NFATC1: variants seen among roughly 807,000 people sequenced by gnomAD.
The protein encoded by NFATC1 is nuclear factor of activated T-cells, cytoplasmic 1.
In NFATC1, 22 loss-of-function variants were observed where a neutral mutation model predicts 76.0. The ratio of observed to expected loss-of-function variants is 0.29; its 90% CI spans 0.21 to 0.41. The LOEUF is 0.41. NFATC1 is among the 10% of genes least tolerant of loss of function. The pLI is 1.00. For missense variants in NFATC1, 1,357 were observed against 1,337.7 expected, an observed-to-expected ratio of 1.01 and a Z score of -0.23; for synonymous variants, 704 against 613.1, an observed-to-expected ratio of 1.15 and a Z score of -2.19.
chr18:79,410,419 A>C lies in NFATC1; in HGVS notation c.144A>C (p.Ala48=), dbSNP rs762735335. Residue 48 remains alanine (A), a synonymous_variant, in exon 2 of 10, where the codon GCA becomes GCC. Coordinates refer to ENST00000427363, the MANE Select transcript of NFATC1 (RefSeq NM_001278669.2). The surrounding 1 kb of genome is among the most constrained non-coding windows in gnomAD (Gnocchi z 6.7). ...TCTCTCTAGAACACTATGGCTATGC[A>C]TCCTCCAACGTCAGCCCCGCCCTGC... The part of the protein sequence containing the change: ...KSAEEEHYGY[A]SSNVSPALPL... The C allele has an allele frequency of 3.7e-6, 6 of 1,610,150 alleles. No homozygotes were observed. In the Admixed American group the frequency reaches 1.0e-4, roughly 27 times the overall value.
At chr18:79,434,193 C>T (rs927311255) in intron 3 of NFATC1, among the ~76,000 whole-genome samples, 4 of 152,146 alleles carry the variant, frequency 2.6e-5, no homozygotes, top group African/African-American at 4.8e-5. Flanking sequence ...AGGTGCTCCC[C>T]GAGGAGAGGA....
At chr18:79,508,125 A>G (rs1230829391) in intron 9 of NFATC1, among the ~76,000 whole-genome samples, 2 of 152,128 alleles carry the variant, frequency 1.3e-5, no homozygotes, top group African/African-American at 2.4e-5. Context: ...GTGAACTTCA[A>G]TTATTTTTGT....
rs113842380 is a variant in NFATC1 at position 79,440,913 on chromosome 18, C to T, written c.1386+7175C>T. ...TTGCCCAGGCCCTGCCCAGGCCAGA[C>T]GTGGGAGTGGCGGCTGGGAGCACCC... On this transcript the variant is annotated intron_variant, in intron 3 of 9. Transcript: ENST00000427363. Among the ~76,000 whole-genome samples the T allele has an allele frequency of 9.8e-3, 1,497 of 152,294 alleles. 13 individuals are homozygous for T. Among genetic ancestry groups the T allele is most frequent in the African/African-American group, 0.016 (671 of 41,570 alleles).
Position 79,528,554 on chromosome 18 carries a change from G to A in NFATC1, c.*977G>A, listed in dbSNP as rs990572752. On this transcript the variant is annotated 3_prime_UTR_variant, in exon 10 of 10. Transcript: ENST00000427363. ...GCCGTGCATTTTCTCGTCTCACGCA[G>A]TTCGAGGAGGACCCTAGAAAGCCAG... 1 of 152,216 alleles carries A rather than the reference G, an allele frequency of 6.6e-6. No individual in the cohort carries two copies. Among genetic ancestry groups the A allele is most frequent in the African/African-American group, 2.4e-5 (1 of 41,448 alleles). The allele number at this position is 152,216 out of a possible 1,614,324, so 9.4% of individuals were successfully genotyped here. A position where few individuals can be genotyped will look rare whatever the true frequency, so the allele number is the denominator to read the frequency against.
At chr18:79,467,382 C>T (rs1046396249) in intron 7 of NFATC1, 68 bp from the exon 8 acceptor site, 2 of 1,436,048 alleles carry the variant, frequency 1.4e-6, no homozygotes, top group African/African-American at 3.1e-5. Flanking sequence ...TGCCGTGTGG[C>T]CGCCGTGGCG....
intron 8 of NFATC1, chr18:79,469,307 TTTC>T (rs1330850674): frequency 2.0e-6 from 2 of 985,270 alleles, no homozygotes; most frequent in Non-Finnish European, 2.4e-6. Context: ...CATTAATTTT[TTTC>T]TTATTTGCTC....
chr18:79,423,857 G>A (rs995703187), intron 2 of NFATC1, among the ~76,000 whole-genome samples: 2 of 152,190 alleles, frequency 1.3e-5, no homozygotes, highest in Admixed American at 6.5e-5. Context: ...GGCCCTGCCC[G>A]CAGCCTCAGA....
rs1278692181 is a variant in NFATC1, at chr18:79,486,194, G to A, written c.2093-54G>A. ...GGGTGCCCCAGCCACAAGCCTGCCT[G>A]ATCACACTCATTCGCAACTTGTGTT... On this transcript the variant is annotated intron_variant, in intron 8 of 9. Transcript: ENST00000427363. 5 of 1,527,980 alleles carry A rather than the reference G, an allele frequency of 3.3e-6. No individual in the cohort carries two copies. The Admixed American group carries it at 5.4e-5, about 16-fold the overall frequency. 94.7% of individuals were successfully genotyped at this position (1,527,980 alleles called of 1,614,324 possible).
intron 1 of NFATC1, among the ~76,000 whole-genome samples, chr18:79,398,367 C>T (rs992545226): frequency 2.0e-5 from 3 of 152,266 alleles, no homozygotes; most frequent in Non-Finnish European, 4.4e-5. Flanking sequence ...TGGCACCCCG[C>T]TTCATCACAC....
chr18:79,425,283 GTC>G (rs2086286135), intron 2 of NFATC1, among the ~76,000 whole-genome samples: 1 of 95,264 alleles, frequency 1.0e-5, no homozygotes, highest in African/African-American at 3.3e-5. Context: ...CTCTCTGTCT[GTC>G]TTTCTTTCTT....
chr18:79,509,734 G>C (rs1262531630), intron 9 of NFATC1, among the ~76,000 whole-genome samples: 2 of 152,246 alleles, frequency 1.3e-5, no homozygotes, highest in African/African-American at 4.8e-5. Flanking sequence ...TGAGCAGGAG[G>C]CTGTGACAAC....
chr18:79,409,681 T>A (rs1420994065), intron 1 of NFATC1, among the ~76,000 whole-genome samples: 1 of 152,148 alleles, frequency 6.6e-6, no homozygotes, highest in East Asian at 1.9e-4. Flanking sequence ...TCTTTACCTG[T>A]CTATCCATCA....
chr18:79,435,685 T>C (rs2086749715), intron 3 of NFATC1, among the ~76,000 whole-genome samples: 1 of 152,204 alleles, frequency 6.6e-6, no homozygotes, highest in South Asian at 2.1e-4. Context: ...TCAATACAGA[T>C]GCCACTGAGA....
At chr18:79,477,867 C>T (rs1217321853) in intron 8 of NFATC1, among the ~76,000 whole-genome samples, 1 of 152,208 alleles carries the variant, frequency 6.6e-6, no homozygotes, top group Non-Finnish European at 1.5e-5. Flanking sequence ...CGATTTGTCT[C>T]TCCCTCCCTG....
rs2085651307 is a variant in NFATC1, at chr18:79,410,955, CCTG to C, written c.682_684del (p.Cys228del). ...GAGGGCTTTCCCCGCGGGCTGGGGGCCTGCACACTGCTGGGTTCCCCGCGGCAC... is the reference window on the plus strand; with the variant it reads ...GAGGGCTTTCCCCGCGGGCTGGGGGCCACACTGCTGGGTTCCCCGCGGCAC... On this transcript the variant is annotated inframe_deletion, in exon 2 of 10. Coordinates refer to ENST00000427363, the MANE Select transcript of NFATC1 (RefSeq NM_001278669.2). The surrounding 1 kb of genome is among the most constrained non-coding windows in gnomAD (Gnocchi z 6.7). 6.9e-6 allele frequency: 11 copies of C among 1,602,584 alleles called. No individual in the cohort carries two copies. The highest frequency in any genetic ancestry group is 8.5e-6 in the Non-Finnish European group (10 of 1,175,432).
chr18:79,454,067 C>T (rs1246741757), intron 6 of NFATC1, among the ~76,000 whole-genome samples: 2 of 152,176 alleles, frequency 1.3e-5, no homozygotes, highest in Admixed American at 6.5e-5. Flanking sequence ...GTTTAAAGTT[C>T]TGTTTTAGAC....
At chr18:79,444,736 C>A (rs1402851074) in intron 3 of NFATC1, among the ~76,000 whole-genome samples, 1 of 138,822 alleles carries the variant, frequency 7.2e-6, no homozygotes, top group African/African-American at 3.3e-5. Context: ...CCCGTGGGCA[C>A]ACACGTGCCC....
At chr18:79,415,689 G>A (rs1475503686) in intron 2 of NFATC1, among the ~76,000 whole-genome samples, 2 of 152,192 alleles carry the variant, frequency 1.3e-5, no homozygotes, top group Non-Finnish European at 2.9e-5. Context: ...GGCGAGATAG[G>A]CTAATAAACA....
intron 2 of NFATC1, among the ~76,000 whole-genome samples, chr18:79,427,580 A>G (rs1031090856): frequency 5.4e-3 from 78 of 14,426 alleles, no homozygotes; most frequent in South Asian, 0.01. Flanking sequence ...GGTCGGGGGG[A>G]GCTGGATGGC....
Sources: allele counts gnomAD v4.1 joint callset (sites outside exome capture counted in the v4.1 genomes callset), GRCh38; gene constraint gnomAD v4.1.1; non-coding constraint Gnocchi (gnomAD v3.1); transcripts MANE v1.5; gene names NCBI Gene and HGNC (gene_info 2026-07-23, HGNC 2026-07-21).